The following WDR93 variants were observed in gnomAD, a reference collection of about 807,000 sequenced individuals.
WDR93 encodes the protein WD repeat-containing protein 93.
In WDR93, 73 loss-of-function variants were observed where a neutral mutation model predicts 82.9. That is an observed-to-expected ratio of 0.88 (90% confidence interval 0.73 to 1.07). WDR93 has a LOEUF of 1.07. WDR93 is among the 50% of genes least tolerant of loss of function. The probability of loss-of-function intolerance (pLI) is 0.00; values close to 1 mark genes in which losing one functional copy is unlikely to be tolerated. For missense variants in WDR93, 738 were observed against 826.0 expected (o/e 0.89, Z 1.31); for synonymous variants, 283 against 300.1 (o/e 0.94, Z 0.59).
At chr15:89,712,294 A>T (rs1966014538) in intron 5 of WDR93, among the ~76,000 whole-genome samples, 190 bp downstream of exon 5, 1 of 150,774 alleles carries the variant, frequency 6.6e-6, no homozygotes, top group Non-Finnish European at 1.5e-5. Flanking sequence ...ACATGGCCAC[A>T]CCACATTTGT....
chr15:89,703,108 G>A lies in WDR93; in HGVS notation c.462G>A (p.Gly154=), dbSNP rs1406410895. The A allele has an allele frequency of 6.2e-7, 1 of 1,614,150 alleles. No homozygotes were observed. ...CTTCCATCTGGGCCACAGATTTAGG[G>A]AATGAAATACTCATTGCTCCTGTGG... ...DVTSIWATDL[G]NEILIAPVDE... is the part of the protein sequence containing the mutation. The change falls in exon 3 of 17, where the codon GGG becomes GGA. Residue 154 remains glycine, a synonymous_variant. Coordinates refer to ENST00000268130, the MANE Select transcript of WDR93 (RefSeq NM_020212.2).
chr15:89,698,751 TA>T lies in WDR93; in HGVS notation c.-40-2955del, dbSNP rs537214923. ...TGTTATTAATCCTACACTACATTTT[TA>T]TTTTTTTGTTTAAGCATTTTAAATA... On this transcript the variant is annotated intron_variant, in intron 1 of 16. Coordinates refer to ENST00000268130, the MANE Select transcript of WDR93 (RefSeq NM_020212.2). Among the ~76,000 whole-genome samples, 340 of 152,298 alleles carry T rather than the reference TA, an allele frequency of 2.2e-3. 10 individuals carry two copies. Among genetic ancestry groups the T allele is most frequent in the Admixed American group, 0.018 (279 of 15,280 alleles).
At chr15:89,715,676 C>T (rs1305170303) in intron 6 of WDR93, among the ~76,000 whole-genome samples, 1 of 152,040 alleles carries the variant, frequency 6.6e-6, no homozygotes, top group Admixed American at 6.6e-5. Flanking sequence ...CTCTGCCTCC[C>T]GGGTTCAAGC....
At chr15:89,703,530 T>C (rs79677836) in intron 3 of WDR93, 11,162 of 218,610 alleles carry the variant, frequency 0.051, 368 homozygotes, top group Middle Eastern at 0.1. Flanking sequence ...TTGCTCTTTT[T>C]CCCTCAGCCT....
intron 8 of WDR93, 73 bp downstream of exon 8, chr15:89,722,212 C>A: frequency 8.5e-7 from 1 of 1,182,884 alleles, no homozygotes; most frequent in Non-Finnish European, 1.2e-6. Flanking sequence ...CATGTCTTAT[C>A]TTTTCAACTT....
In WDR93 at chr15:89,701,913, C is replaced by T. The variant is rs773966979; in HGVS notation, c.167C>T (p.Pro56Leu). 1.9e-6 allele frequency: 3 copies of T among 1,614,068 alleles called. No individual in the cohort carries two copies. In the Admixed American group the frequency reaches 5.0e-5, roughly 27 times the overall value. The change falls in exon 2 of 17, where the codon CCT (proline) becomes CTT (leucine). Residue 56 changes from proline (P) to leucine (L), a missense_variant. Physicochemically the swap from Pro to Leu is moderately conservative, Grantham distance 98 (BLOSUM62 -3). Transcript: ENST00000268130. ...GAGGAGCTGGATTCCTTGCCTCAGC[C>T]TTATCGAATGATCAACAAGCTGGTG... ...PDEELDSLPQ[P>L]YRMINKLVNL...
rs35502270 is a variant in WDR93, at chr15:89,731,525, C to T, written c.1293C>T (p.Cys431=). 7,465 of 1,614,076 alleles carry T rather than the reference C, an allele frequency of 4.6e-3. 335 individuals are homozygous for T. The African/African-American group carries it at 0.087, about 19-fold the overall frequency. The change falls in exon 12 of 17, where the codon TGC becomes TGT. Residue 431 remains cysteine, a synonymous_variant. Transcript: ENST00000268130. ...SCSSSYLVLA[C]EDGVLTLWDL... is the part of the protein sequence containing the mutation. ...CCTCCTCCTACCTGGTGCTGGCCTGCGAGGATGGTGTGCTCACGCTGTGGG... is the reference window on the plus strand; with the variant it reads ...CCTCCTCCTACCTGGTGCTGGCCTGTGAGGATGGTGTGCTCACGCTGTGGG...
chr15:89,737,161 C>A (rs1967267354), intron 14 of WDR93, among the ~76,000 whole-genome samples: 1 of 152,194 alleles, frequency 6.6e-6, no homozygotes, highest in Non-Finnish European at 1.5e-5. Context: ...GGCAAGAGAG[C>A]ATCCCCAGCT....
In WDR93 at chr15:89,733,299, C is replaced by T. The variant is rs1009173116; in HGVS notation, c.1544+80C>T. The T allele has an allele frequency of 6.7e-6, 9 of 1,340,136 alleles. No individual in the cohort carries two copies. The Admixed American group carries it at 1.8e-4, about 26-fold the overall frequency. The allele number at this position is 1,340,136 out of a possible 1,614,324, so 83.0% of individuals were successfully genotyped here. ...CTATTTGATAGTAAAATCTGACAGC[C>T]TCTCTGACTACAGTCCACCTTTTGT... On this transcript the variant is annotated intron_variant, in intron 13 of 16. Coordinates refer to ENST00000268130, the MANE Select transcript of WDR93 (RefSeq NM_020212.2).
At chr15:89,705,658 T>C in intron 4 of WDR93, 40 bp downstream of exon 4, 1 of 1,285,870 alleles carries the variant, frequency 7.8e-7, no homozygotes, top group Non-Finnish European at 1.1e-6. Context: ...GGCCAAAAGC[T>C]GTAGCAAATT....
At position 89,737,856 on chromosome 15, in the gene WDR93, C is replaced by T. The variant is rs75510286; in HGVS notation, c.1765+127C>T. ...CCCTCTACCATAGGCCAAAGGGTAC[C>T]GCAGCTCAGTCCTCACAGGGCACTT... On this transcript the variant is annotated intron_variant, in intron 15 of 16. Coordinates refer to ENST00000268130, the MANE Select transcript of WDR93 (RefSeq NM_020212.2). 5,315 of 1,405,848 alleles carry T rather than the reference C, an allele frequency of 3.8e-3. 158 individuals carry two copies. The African/African-American group carries it at 0.06, about 16-fold the overall frequency. The allele number at this position is 1,405,848 out of a possible 1,614,324, so 87.1% of individuals were successfully genotyped here. A position where few individuals can be genotyped will look rare whatever the true frequency, so the allele number is the denominator to read the frequency against.
intron 4 of WDR93, among the ~76,000 whole-genome samples, chr15:89,711,680 T>C (rs1237641946): frequency 6.6e-6 from 1 of 152,230 alleles, no homozygotes; most frequent in Admixed American, 6.5e-5. Context: ...TTCAGTGTCA[T>C]GTAGAATTTA....
chr15:89,715,163 C>G, intron 6 of WDR93, 68 bp downstream of exon 6: 1 of 1,418,878 alleles, frequency 7.0e-7, no homozygotes, highest in African/African-American at 1.4e-5. Flanking sequence ...AGCCCAAGTC[C>G]TTGGAAACTT....
chr15:89,699,941 G>A (rs984053313), intron 1 of WDR93, among the ~76,000 whole-genome samples: 1 of 151,852 alleles, frequency 6.6e-6, no homozygotes, highest in African/African-American at 2.4e-5. Flanking sequence ...CTTTATTATG[G>A]CTTATATTTT....
At chr15:89,722,161 C>G (rs1008516624) in intron 8 of WDR93, 22 bp downstream of exon 8, 2 of 1,499,340 alleles carry the variant, frequency 1.3e-6, no homozygotes, top group Non-Finnish European at 1.8e-6. Context: ...TCAAATCTCT[C>G]TCCTTTTGCC....
At chr15:89,741,521 C>A (rs988579962) in intron 16 of WDR93, among the ~76,000 whole-genome samples, 5 of 152,196 alleles carry the variant, frequency 3.3e-5, no homozygotes, top group Non-Finnish European at 7.3e-5. Flanking sequence ...AGCCACCATT[C>A]TCAGCCTAAA....
chr15:89,712,682 G>A (rs1966047436), intron 5 of WDR93, among the ~76,000 whole-genome samples: 2 of 152,124 alleles, frequency 1.3e-5, no homozygotes, highest in Admixed American at 6.5e-5. Context: ...CATGATAGCA[G>A]CATGACTCAC....
rs188909687 is a variant in WDR93 at position 89,699,745 on chromosome 15, T to A, written c.-40-1962T>A. 3.0e-3 allele frequency among the ~76,000 whole-genome samples: 463 copies of A among 152,330 alleles called. 2 individuals are homozygous for A. The highest frequency in any genetic ancestry group is 0.011 in the African/African-American group (443 of 41,574). ...TTTTCCTCTGAAATCTTCATGTTAA[T>A]CTAATCTGATGTATTTTTCATCTCA... On this transcript the variant is annotated intron_variant, in intron 1 of 16. Transcript: ENST00000268130.
intron 11 of WDR93, 146 bp downstream of exon 11, chr15:89,729,915 G>A (rs1333838185): frequency 2.9e-6 from 2 of 683,634 alleles, no homozygotes; most frequent in Non-Finnish European, 5.1e-6. Flanking sequence ...TTTGGTGGGT[G>A]TAGTGTGACC....
Sources: gnomAD v4.1 joint callset for allele counts (sites outside exome capture counted in the v4.1 genomes callset) on GRCh38, gnomAD v4.1.1 for gene constraint, MANE v1.5 for transcripts, NCBI Gene and HGNC (gene_info 2026-07-23, HGNC 2026-07-21) for gene names.